The following FAM184B variants were observed in gnomAD, a reference collection of about 807,000 sequenced individuals.
FAM184B encodes the protein protein FAM184B.
Under a neutral mutation model 135.9 loss-of-function variants are expected in FAM184B, and 111 were observed. The observed-to-expected ratio is 0.82, with a 90% CI of 0.70 to 0.96. FAM184B has a LOEUF of 0.96. Ranked by LOEUF, FAM184B falls within the 40% of genes least tolerant of loss-of-function variation. The pLI, the probability that FAM184B is intolerant of heterozygous loss-of-function variation, is 0.00. For missense variants in FAM184B, 1,375 were observed against 1,323.9 expected (o/e 1.04, Z -0.60); for synonymous variants, 552 against 524.8 (o/e 1.05, Z -0.71).
At chr4:17,747,789 C>T (rs1032007002) in intron 1 of FAM184B, among the ~76,000 whole-genome samples, 25 of 151,730 alleles carry the variant, frequency 1.6e-4, no homozygotes, top group East Asian at 1.2e-3. Flanking sequence ...GGCGAGGTGG[C>T]GGGCGCCTGT....
chr4:17,723,763 C>T (rs1457197447), intron 1 of FAM184B, among the ~76,000 whole-genome samples: 1 of 152,220 alleles, frequency 6.6e-6, no homozygotes, highest in African/African-American at 2.4e-5. Context: ...CCACTTTACA[C>T]AGCCAAATCT....
intron 1 of FAM184B, among the ~76,000 whole-genome samples, chr4:17,725,829 A>G (rs556977520): frequency 2.5e-4 from 38 of 152,170 alleles, no homozygotes; most frequent in Middle Eastern, 3.4e-3. Flanking sequence ...GCTTGGTCAG[A>G]TCCTTCTTGT....
intron 1 of FAM184B, among the ~76,000 whole-genome samples, chr4:17,735,078 A>G (rs1202924839): frequency 6.6e-6 from 1 of 151,966 alleles, no homozygotes; most frequent in African/African-American, 2.4e-5. Flanking sequence ...AACTATCGCA[A>G]GGAGAAAAAA....
rs571943080 is a variant in FAM184B at position 17,705,205 on chromosome 4, G to A, written c.1172C>T (p.Thr391Ile). The A allele has an allele frequency of 6.4e-7, 1 of 1,550,582 alleles. No homozygotes were observed. Among genetic ancestry groups the A allele is most frequent in the Non-Finnish European group, 8.7e-7 (1 of 1,146,682 alleles). ...TGTCTCAGCACTTGCCTCTTTCTTG[G>A]TCTATAAAAAGAAAAAGGACCTTGT... ...PCMKGGTDMQ[T>I]KKEASAETEY... The change falls in exon 5 of 18, where the codon ACC becomes ATC. Residue 391 changes from threonine (T) to isoleucine (I), a missense_variant and splice_region_variant. By Grantham distance (89) the Thr-to-Ile change is moderately conservative. Coordinates refer to ENST00000265018, the MANE Select transcript of FAM184B (RefSeq NM_015688.2).
intron 1 of FAM184B, among the ~76,000 whole-genome samples, chr4:17,778,437 G>A (rs1271377940): frequency 6.6e-6 from 1 of 152,154 alleles, no homozygotes; most frequent in Non-Finnish European, 1.5e-5. Flanking sequence ...TTAAAGGATG[G>A]ACTTCAGCCA....
intron 5 of FAM184B, among the ~76,000 whole-genome samples, chr4:17,702,147 G>A (rs1260762309): frequency 2.6e-5 from 4 of 152,104 alleles, no homozygotes; most frequent in Admixed American, 6.5e-5. Context: ...TCCTGGCTGG[G>A]TAGCTGCCAA....
chr4:17,652,759 C>T (rs1715659137), intron 11 of FAM184B, 71 bp downstream of exon 11: 3 of 1,497,688 alleles, frequency 2.0e-6, no homozygotes, highest in African/African-American at 1.4e-5. Context: ...TGGCCCTCAG[C>T]TTGTCTCTGG....
intron 1 of FAM184B, among the ~76,000 whole-genome samples, chr4:17,750,579 C>G (rs1031893956): frequency 1.3e-5 from 2 of 152,100 alleles, no homozygotes; most frequent in Non-Finnish European, 2.9e-5. Context: ...TTGGTGTTGA[C>G]CCAGTGGATG....
At chr4:17,717,952 C>A (rs1177047694) in intron 1 of FAM184B, among the ~76,000 whole-genome samples, 1 of 152,140 alleles carries the variant, frequency 6.6e-6, no homozygotes, top group East Asian at 1.9e-4. Flanking sequence ...TACTTTTAAA[C>A]CAACCTAATA....
At chr4:17,689,874 T>A (rs186852991) in intron 6 of FAM184B, among the ~76,000 whole-genome samples, 3 of 152,068 alleles carry the variant, frequency 2.0e-5, no homozygotes, top group Admixed American at 2.0e-4. Flanking sequence ...TAGGGCCGGG[T>A]GTGGTGGCTT....
chr4:17,708,983 T>A lies in FAM184B; in HGVS notation c.803A>T (p.Gln268Leu). 1 of 1,550,854 alleles carries A rather than the reference T, an allele frequency of 6.4e-7. No individual in the cohort carries two copies. Among genetic ancestry groups the A allele is most frequent in the South Asian group, 1.2e-5 (1 of 84,056 alleles). Residue 268 changes from glutamine (Q) to leucine (L), a missense_variant, in exon 2 of 18, where the codon CAG (glutamine) becomes CTG (leucine). Coordinates refer to ENST00000265018, the MANE Select transcript of FAM184B (RefSeq NM_015688.2). ...FQVQESALQAQVRKLEGDLEH... is the reference protein window; with the variant it reads ...FQVQESALQALVRKLEGDLEH... The stretch of plus-strand genomic sequence containing the variant: ...CAGGTCTCCTTCCAGCTTCCGGACC[T>A]GAGCCTGCAGGGCTGACTCCTGGAC...
At chr4:17,729,953 A>G (rs202160930) in intron 1 of FAM184B, among the ~76,000 whole-genome samples, 10 of 152,190 alleles carry the variant, frequency 6.6e-5, no homozygotes, top group Middle Eastern at 3.4e-3. Flanking sequence ...GGCTTCAGAC[A>G]ATCAAACTAC....
chr4:17,756,794 G>A (rs750559685), intron 1 of FAM184B, among the ~76,000 whole-genome samples: 13 of 152,112 alleles, frequency 8.5e-5, no homozygotes, highest in Admixed American at 1.3e-4. Context: ...GCACGGTGGT[G>A]CACACTTGTA....
chr4:17,696,442 C>A lies in FAM184B; in HGVS notation c.1378-3030G>T, dbSNP rs182954597. ...ACTGGAAGGATCATTAAGAACCGGA[C>A]GGGACCAGGCAGGTAAATGTGGAAG... On this transcript the variant is annotated intron_variant, in intron 5 of 17. Transcript: ENST00000265018. Among the ~76,000 whole-genome samples the A allele has an allele frequency of 2.0e-5, 3 of 152,164 alleles. No individual in the cohort carries two copies. In the East Asian group the frequency reaches 5.8e-4, roughly 29 times the overall value.
At chr4:17,726,900 T>C (rs1188028045) in intron 1 of FAM184B, among the ~76,000 whole-genome samples, 2 of 152,212 alleles carry the variant, frequency 1.3e-5, no homozygotes, top group African/African-American at 4.8e-5. Flanking sequence ...CTAATGCTGA[T>C]GGATCACTGT....
At chr4:17,778,580 T>A (rs2109000718) in intron 1 of FAM184B, among the ~76,000 whole-genome samples, 1 of 152,276 alleles carries the variant, frequency 6.6e-6, no homozygotes, top group Admixed American at 6.5e-5. Flanking sequence ...TAAAAACAGA[T>A]TGAATGCGGT....
At chr4:17,758,357 T>C (rs1398303520) in intron 1 of FAM184B, among the ~76,000 whole-genome samples, 1 of 152,224 alleles carries the variant, frequency 6.6e-6, no homozygotes, top group Non-Finnish European at 1.5e-5. Context: ...TTATTCAATA[T>C]TGGCAGAAAG....
intron 1 of FAM184B, among the ~76,000 whole-genome samples, chr4:17,721,553 A>G (rs530712824): frequency 9.2e-5 from 14 of 152,256 alleles, no homozygotes; most frequent in African/African-American, 3.4e-4. Flanking sequence ...GCGCAAAGGC[A>G]TGGCATAGAG....
rs117572237 is a variant in FAM184B at position 17,778,868 on chromosome 4, C to T, written c.141+2291G>A. On this transcript the variant is annotated intron_variant, in intron 1 of 17. Coordinates refer to ENST00000265018, the MANE Select transcript of FAM184B (RefSeq NM_015688.2). ...AGCAAGACCCTGTCTCTTAAACAAACGAACAAAAAAGTAAAAATAAAACTC... is the reference window on the plus strand; with the variant it reads ...AGCAAGACCCTGTCTCTTAAACAAATGAACAAAAAAGTAAAAATAAAACTC... Among the ~76,000 whole-genome samples, 657 of 151,674 alleles carry T rather than the reference C, an allele frequency of 4.3e-3. 13 individuals carry two copies. The East Asian group carries it at 0.069, about 16-fold the overall frequency.
Sources: gnomAD v4.1 joint callset for allele counts (sites outside exome capture counted in the v4.1 genomes callset) on GRCh38, gnomAD v4.1.1 for gene constraint, MANE v1.5 for transcripts, NCBI Gene and HGNC (gene_info 2026-07-23, HGNC 2026-07-21) for gene names.